The following CANX variants were observed in gnomAD, a reference collection of about 807,000 sequenced individuals.
CANX encodes calnexin.
Under a neutral mutation model 75.7 loss-of-function variants are expected in CANX, and 14 were observed. That is an observed-to-expected ratio of 0.19 (90% CI 0.12 to 0.29). CANX has a LOEUF of 0.29. Ranked by LOEUF, CANX falls within the 10% of genes least tolerant of loss-of-function variation. CANX has a pLI of 1.00. For synonymous variants in CANX, 227 were observed against 236.9 expected (o/e 0.96, Z 0.38); for missense variants, 567 against 713.2 (o/e 0.79, Z 2.34).
rs1778834017 is a variant in CANX, at chr5:179,728,871, A to G, written c.*227A>G. ...TTCTGTAGAAAAGAAAACATTTAAC[A>G]TAATGGTTGTGAAATGTAACATGAA... On this transcript the variant is annotated 3_prime_UTR_variant, in exon 15 of 15. Transcript: ENST00000247461. 2 of 607,080 alleles carry G rather than the reference A, an allele frequency of 3.3e-6. No individual in the cohort carries two copies. The highest frequency in any genetic ancestry group is 6.0e-6 in the Non-Finnish European group (2 of 333,180). 37.6% of individuals were successfully genotyped at this position (607,080 alleles called of 1,614,324 possible). A position where few individuals can be genotyped will look rare whatever the true frequency, so the allele number is the denominator to read the frequency against.
At position 179,712,585 on chromosome 5, in the gene CANX, AT is replaced by A. The variant is rs755031455; in HGVS notation, c.721+2539del. ...AGGCATGTGCCACCACGCCTGGCTA[AT>A]TTTTTTTTTTTTTTTTTTAGTAGAG... On this transcript the variant is annotated intron_variant, in intron 7 of 14. Transcript: ENST00000247461. 7.6e-3 allele frequency among the ~76,000 whole-genome samples: 1,010 copies of A among 133,294 alleles called. 8 individuals are homozygous for A. Among genetic ancestry groups the A allele is most frequent in the African/African-American group, 0.017 (626 of 36,298 alleles). The allele number at this position is 133,294 out of a possible 152,430, so 87.4% of individuals were successfully genotyped here.
intron 1 of CANX, among the ~76,000 whole-genome samples, chr5:179,701,321 G>A (rs1046469018): frequency 5.9e-5 from 9 of 152,032 alleles, no homozygotes; most frequent in African/African-American, 2.2e-4. Flanking sequence ...GGCTGGGCAC[G>A]GTGGCTCTCA....
chr5:179,683,428 C>T (rs62406698), intron 1 of CANX, among the ~76,000 whole-genome samples: 50,576 of 151,676 alleles, frequency 0.33, 9,068 homozygotes, highest in South Asian at 0.53. Context: ...CCACCGCGCC[C>T]GGCCAACTAC....
intron 1 of CANX, among the ~76,000 whole-genome samples, chr5:179,684,171 G>T (rs1260466634): frequency 6.6e-6 from 1 of 152,150 alleles, no homozygotes; most frequent in Admixed American, 6.6e-5. Context: ...AACAGTGAGT[G>T]AAAGTTTCTG....
chr5:179,720,914 G>A (rs1778269021), intron 10 of CANX, among the ~76,000 whole-genome samples: 1 of 152,136 alleles, frequency 6.6e-6, no homozygotes, highest in Admixed American at 6.5e-5. Context: ...CTCCCGAGTA[G>A]CTGGGATTAC....
At chr5:179,714,763 C>T (rs541461741) in intron 7 of CANX, among the ~76,000 whole-genome samples, 12 of 151,884 alleles carry the variant, frequency 7.9e-5, no homozygotes, top group Non-Finnish European at 1.2e-4. Context: ...GTGATTCGCC[C>T]GTCTCGGCCT....
chr5:179,684,078 T>C (rs1340097383), intron 1 of CANX, among the ~76,000 whole-genome samples: 1 of 152,208 alleles, frequency 6.6e-6, no homozygotes, highest in African/African-American at 2.4e-5. Context: ...GGACATATGC[T>C]TTCATTTCTC....
rs186409621 is a variant in CANX, at chr5:179,728,716, T to C, written c.*72T>C. ...GCAAGAGTGGTCCTAGGAGAGGACCTGGCACACCTTAGGTTGACATTCAGA... is the reference window on the plus strand; with the variant it reads ...GCAAGAGTGGTCCTAGGAGAGGACCCGGCACACCTTAGGTTGACATTCAGA... On this transcript the variant is annotated 3_prime_UTR_variant, in exon 15 of 15. Coordinates refer to ENST00000247461, the MANE Select transcript of CANX (RefSeq NM_001746.4). 1.4e-4 allele frequency: 141 copies of C among 1,019,850 alleles called. No individual in the cohort carries two copies. In the African/African-American group the frequency reaches 1.9e-3, roughly 14 times the overall value. The allele number at this position is 1,019,850 out of a possible 1,614,324, so 63.2% of individuals were successfully genotyped here.
chr5:179,725,680 CAAA>C (rs765657918), intron 13 of CANX, among the ~76,000 whole-genome samples: 4 of 42,332 alleles, frequency 9.4e-5, no homozygotes, highest in Admixed American at 2.7e-4. Flanking sequence ...GACTCTGTCT[CAAA>C]AAAAAAAAAA....
At chr5:179,709,377 G>T (rs1023338475) in intron 6 of CANX, among the ~76,000 whole-genome samples, 4 of 151,432 alleles carry the variant, frequency 2.6e-5, no homozygotes, top group Non-Finnish European at 5.9e-5. Flanking sequence ...TTGCGCCACT[G>T]CACTCCAGCC....
At chr5:179,700,275 C>G (rs1049018924) in intron 1 of CANX, 1 of 152,086 alleles carries the variant, frequency 6.6e-6, no homozygotes, top group Non-Finnish European at 1.5e-5. Flanking sequence ...ATAGTTAAGT[C>G]TTTTTACCTC....
In CANX at chr5:179,731,570, T is replaced by C. The variant is rs763303909; in HGVS notation, c.*2926T>C. Among the ~76,000 whole-genome samples the C allele has an allele frequency of 6.4e-4, 97 of 152,182 alleles. No individual in the cohort carries two copies. Among genetic ancestry groups the C allele is most frequent in the Non-Finnish European group, 1.1e-3 (74 of 68,010 alleles). On this transcript the variant is annotated 3_prime_UTR_variant, in exon 15 of 15. Coordinates refer to ENST00000247461, the MANE Select transcript of CANX (RefSeq NM_001746.4). ...TTAGGATTTGTATTTTTCTGCTGCG[T>C]TTGTATGAAGACATATTTGATTGTT...
chr5:179,728,375 T>C (rs1370967755), intron 14 of CANX, among the ~76,000 whole-genome samples: 1 of 152,194 alleles, frequency 6.6e-6, no homozygotes, highest in Non-Finnish European at 1.5e-5. Flanking sequence ...GAAAAGTGTA[T>C]GTTTATAGAA....
chr5:179,704,603 A>T (rs1314606813), intron 1 of CANX, among the ~76,000 whole-genome samples: 1 of 151,852 alleles, frequency 6.6e-6, no homozygotes, highest in African/African-American at 2.4e-5. Flanking sequence ...TGGGAGGCTG[A>T]GGCAGGTGGA....
upstream of CANX, chr5:179,698,442 T>C: frequency 7.8e-7 from 1 of 1,285,572 alleles, no homozygotes; most frequent in Non-Finnish European, 1.0e-6. Context: ...GGCCAGGCGC[T>C]CGCGCTGGGT....
intron 13 of CANX, among the ~76,000 whole-genome samples, chr5:179,725,680 CA>C (rs765657918): frequency 0.099 from 4,197 of 42,378 alleles, 66 homozygotes; most frequent in East Asian, 0.17. Context: ...GACTCTGTCT[CA>C]AAAAAAAAAA....
intron 11 of CANX, 120 bp downstream of exon 11, chr5:179,723,139 A>C (rs1778419922): frequency 2.5e-6 from 2 of 791,944 alleles, no homozygotes; most frequent in African/African-American, 1.7e-5. Context: ...GTATAACCAT[A>C]TGCCTGCAAA....
chr5:179,724,042 C>T lies in CANX; in HGVS notation c.1518+263C>T, dbSNP rs192792346. ...CTCCATAGTGTTCGGCAGCAACTTT[C>T]TAAAAAAAAACAATAAACTTAGATA... On this transcript the variant is annotated intron_variant, in intron 12 of 14. Transcript: ENST00000247461. Among the ~76,000 whole-genome samples, 4 of 151,802 alleles carry T rather than the reference C, an allele frequency of 2.6e-5. No homozygotes were observed. In the East Asian group the frequency reaches 7.7e-4, roughly 29 times the overall value.
At chr5:179,697,088 C>G (rs899716187), upstream of CANX, among the ~76,000 whole-genome samples, 2 of 152,112 alleles carry the variant, frequency 1.3e-5, no homozygotes, top group Admixed American at 6.6e-5. Context: ...GACGGGTTCT[C>G]ACTCTGTTGC....
Sources: allele counts gnomAD v4.1 joint callset (sites outside exome capture counted in the v4.1 genomes callset), GRCh38; gene constraint gnomAD v4.1.1; transcripts MANE v1.5; gene names NCBI Gene and HGNC (gene_info 2026-07-23, HGNC 2026-07-21).